THSD4: variants seen among roughly 807,000 people sequenced by gnomAD.
The protein encoded by THSD4 is thrombospondin type 1 domain containing 4.
A neutral mutation model predicts 119.0 loss-of-function variants in THSD4; 69 were observed. The ratio of observed to expected loss-of-function variants is 0.58; its 90% CI spans 0.48 to 0.71. The LOEUF (loss-of-function observed/expected upper bound fraction) is 0.71. THSD4 is among the 30% of genes least tolerant of loss of function. THSD4 has a pLI of 0.00. For missense variants in THSD4, 1,393 were observed against 1,391.1 expected, an observed-to-expected ratio of 1.00 and a Z score of -0.02; for synonymous variants, 524 against 540.4, an observed-to-expected ratio of 0.97 and a Z score of 0.42.
chr15:71,675,056 A>G (rs1197550786), intron 8 of THSD4, among the ~76,000 whole-genome samples: 3 of 152,162 alleles, frequency 2.0e-5, no homozygotes, highest in African/African-American at 7.2e-5. Flanking sequence ...CTCACTCTGA[A>G]TCCTTAGCTT....
intron 7 of THSD4, among the ~76,000 whole-genome samples, chr15:71,455,818 T>C (rs886642315): frequency 1.3e-5 from 2 of 152,218 alleles, no homozygotes; most frequent in African/African-American, 4.8e-5. Flanking sequence ...TCTTCACCTC[T>C]GGTGGCCCTA....
chr15:71,411,597 A>G (rs1461850962), intron 6 of THSD4, 90 bp from the exon 7 acceptor site: 2 of 1,403,514 alleles, frequency 1.4e-6, no homozygotes, highest in African/African-American at 2.9e-5. Context: ...CTCAATAAAA[A>G]TTATAGGAAG....
At chr15:71,190,740 T>G (rs941046916) in intron 3 of THSD4, among the ~76,000 whole-genome samples, 1 of 152,122 alleles carries the variant, frequency 6.6e-6, no homozygotes, top group Non-Finnish European at 1.5e-5. Flanking sequence ...AAGGAACCAT[T>G]TTTCTGGAGC....
At chr15:71,351,334 A>G (rs1424180054) in intron 6 of THSD4, among the ~76,000 whole-genome samples, 3 of 151,920 alleles carry the variant, frequency 2.0e-5, no homozygotes, top group Admixed American at 6.6e-5. Flanking sequence ...ATTTCCCACC[A>G]TAATACATCA....
At chr15:71,421,799 C>G (rs902153079) in intron 7 of THSD4, among the ~76,000 whole-genome samples, 16 of 152,198 alleles carry the variant, frequency 1.1e-4, no homozygotes, top group Admixed American at 2.6e-4. Flanking sequence ...GCCAACAACT[C>G]TTAGATTTGC....
intron 3 of THSD4, among the ~76,000 whole-genome samples, chr15:71,172,677 C>T (rs1207503977): frequency 4.5e-5 from 1 of 22,148 alleles, no homozygotes; most frequent in Non-Finnish European, 9.8e-5. Context: ...GAAAATAGAC[C>T]TATACATATA....
At chr15:71,485,446 C>T (rs889162474) in intron 7 of THSD4, among the ~76,000 whole-genome samples, 1 of 152,118 alleles carries the variant, frequency 6.6e-6, no homozygotes, top group African/African-American at 2.4e-5. Context: ...ATTTTTGGCT[C>T]AGAATTATTG....
At chr15:71,748,077 G>A (rs1413137882) in intron 13 of THSD4, among the ~76,000 whole-genome samples, 2 of 152,156 alleles carry the variant, frequency 1.3e-5, no homozygotes, top group African/African-American at 2.4e-5. Flanking sequence ...ACTGCAAAAC[G>A]GAGGTGGTAT....
At chr15:71,442,666 A>G (rs7497031) in intron 7 of THSD4, among the ~76,000 whole-genome samples, 8,690 of 30,338 alleles carry the variant, frequency 0.29, 1,888 homozygotes, top group East Asian at 0.52. Context: ...GTGTGTATAT[A>G]TATATATATA....
chr15:71,146,486 A>G (rs1364557304), intron 2 of THSD4, among the ~76,000 whole-genome samples: 2 of 150,844 alleles, frequency 1.3e-5, no homozygotes, highest in East Asian at 3.9e-4. Context: ...GCCTTTATTG[A>G]AACTTTCCAA....
At chr15:71,311,038 A>G (rs2045103898) in intron 6 of THSD4, among the ~76,000 whole-genome samples, 2 of 152,206 alleles carry the variant, frequency 1.3e-5, no homozygotes, top group Admixed American at 1.3e-4. Flanking sequence ...ACATGACAGA[A>G]GTGGATTAAA....
At position 71,451,348 on chromosome 15, in the gene THSD4, G is replaced by A. The variant is rs779377463; in HGVS notation, c.1152+39525G>A. Among the ~76,000 whole-genome samples the A allele has an allele frequency of 2.6e-5, 4 of 152,170 alleles. No individual in the cohort carries two copies. The South Asian group carries it at 8.3e-4, about 32-fold the overall frequency. ...GGAGCGGAGGTGATTGTCTGGACTG[G>A]GATCAACCTCCAAGCTCCACTCCTG... On this transcript the variant is annotated intron_variant, in intron 7 of 17. Coordinates refer to ENST00000261862, the MANE Select transcript of THSD4 (RefSeq NM_024817.3).
intron 7 of THSD4, among the ~76,000 whole-genome samples, chr15:71,605,940 A>G (rs1180897460): frequency 6.6e-6 from 1 of 152,182 alleles, no homozygotes; most frequent in Non-Finnish European, 1.5e-5. Flanking sequence ...AGAGACAGAG[A>G]GACAAAACCA....
chr15:71,372,078 T>G (rs1437997839), intron 6 of THSD4, among the ~76,000 whole-genome samples: 1 of 152,264 alleles, frequency 6.6e-6, no homozygotes, highest in Non-Finnish European at 1.5e-5. Context: ...AATTGGTTAC[T>G]GAAGCTTGTG....
At position 71,365,686 on chromosome 15, in the gene THSD4, C is replaced by G. The variant is rs548656984; in HGVS notation, c.1016-46001C>G. Among the ~76,000 whole-genome samples, 13 of 152,206 alleles carry G rather than the reference C, an allele frequency of 8.5e-5. No individual in the cohort carries two copies. In the South Asian group the frequency reaches 2.1e-3, roughly 24 times the overall value. On this transcript the variant is annotated intron_variant, in intron 6 of 17. Transcript: ENST00000261862. ...GGAGATGAATCTTGTTAAGTCCAAC[C>G]CACCAACTGAACAGGAAACTCATGG...
chr15:71,390,013 C>A (rs922595969), intron 6 of THSD4, among the ~76,000 whole-genome samples: 1 of 151,944 alleles, frequency 6.6e-6, no homozygotes, highest in East Asian at 1.9e-4. Context: ...CCATATTGGC[C>A]AGGCTGGTCT....
At chr15:71,602,144 G>T (rs1189169185) in intron 7 of THSD4, among the ~76,000 whole-genome samples, 2 of 152,080 alleles carry the variant, frequency 1.3e-5, no homozygotes, top group African/African-American at 4.8e-5. Context: ...AACAGGGGTG[G>T]TCTGGAGCTA....
chr15:71,413,374 G>A (rs935120262), intron 7 of THSD4, among the ~76,000 whole-genome samples: 2 of 152,130 alleles, frequency 1.3e-5, no homozygotes, highest in African/African-American at 4.8e-5. Context: ...TCACCCTATT[G>A]TGCTACCAAA....
At chr15:71,658,341 T>G (rs574130596) in intron 7 of THSD4, among the ~76,000 whole-genome samples, 1 of 152,298 alleles carries the variant, frequency 6.6e-6, no homozygotes, top group East Asian at 1.9e-4. Flanking sequence ...TACACATTGT[T>G]CCCTTTAACA....
Sources: gnomAD v4.1 joint callset for allele counts (sites outside exome capture counted in the v4.1 genomes callset) on GRCh38, gnomAD v4.1.1 for gene constraint, MANE v1.5 for transcripts, NCBI Gene and HGNC (gene_info 2026-07-23, HGNC 2026-07-21) for gene names.